Variants in CRADD observed in about 807,000 individuals in gnomAD.
CRADD encodes the protein death domain-containing protein CRADD.
A neutral mutation model predicts 15.5 loss-of-function variants in CRADD; 9 were observed. The observed-to-expected ratio is 0.58, with a 90% CI of 0.35 to 1.01. The LOEUF (loss-of-function observed/expected upper bound fraction) is 1.01. CRADD is among the 50% of genes least tolerant of loss of function. The pLI is 0.02. For missense variants in CRADD, 227 were observed against 250.3 expected (o/e 0.91, Z 0.63); for synonymous variants, 118 against 107.6 (o/e 1.10, Z -0.60).
intron 2 of CRADD, among the ~76,000 whole-genome samples, chr12:93,759,753 GA>G (rs957163553): frequency 1.9e-4 from 29 of 151,542 alleles, no homozygotes; most frequent in African/African-American, 6.8e-4. Context: ...TCTGATTCCA[GA>G]AAAAAAAGCA....
At chr12:93,810,235 A>G (rs1957606802) in intron 2 of CRADD, among the ~76,000 whole-genome samples, 1 of 152,132 alleles carries the variant, frequency 6.6e-6, no homozygotes, top group East Asian at 1.9e-4. Flanking sequence ...AGGAAGAGAA[A>G]GAACCGATGT....
Position 93,850,119 on chromosome 12 carries a change from G to T in CRADD, c.448G>T (p.Ala150Ser). 1.2e-6 allele frequency: 2 copies of T among 1,614,150 alleles called. No individual in the cohort carries two copies. Among genetic ancestry groups the T allele is most frequent in the Non-Finnish European group, 1.7e-6 (2 of 1,180,004 alleles). Residue 150 changes from alanine (A) to serine (S), a missense_variant, in exon 3 of 3, where the codon GCC (alanine) becomes TCC (serine). Transcript: ENST00000332896. This position sits in a 1 kb window ranked among gnomAD's most constrained non-coding sequence, Gnocchi z 4.0. Reference protein sequence around the residue: ...LSQTDIYRCKANHPHNVQSQV... With the variant: ...LSQTDIYRCKSNHPHNVQSQV... ...CCAGACGGATATCTACCGCTGTAAG[G>T]CCAACCACCCCCACAACGTGCAGTC...
At chr12:93,782,503 A>G (rs1337243172) in intron 2 of CRADD, among the ~76,000 whole-genome samples, 1 of 151,972 alleles carries the variant, frequency 6.6e-6, no homozygotes, top group African/African-American at 2.4e-5. Context: ...TAAAAAAAAC[A>G]AAAAGACTTA....
downstream of CRADD, among the ~76,000 whole-genome samples, chr12:93,850,969 C>G (rs1056386630): frequency 2.6e-5 from 4 of 152,142 alleles, no homozygotes; most frequent in African/African-American, 9.7e-5. This position sits in a 1 kb window ranked among gnomAD's most constrained non-coding sequence, Gnocchi z 4.0. Context: ...GTTCAAGGAC[C>G]AGCATGCATA....
In CRADD at chr12:93,850,118, G is replaced by C. The variant is rs1008127829; in HGVS notation, c.447G>C (p.Lys149Asn). 6.2e-6 allele frequency: 10 copies of C among 1,614,068 alleles called. No homozygotes were observed. Among genetic ancestry groups the C allele is most frequent in the Non-Finnish European group, 8.5e-6 (10 of 1,180,020 alleles). Residue 149 changes from lysine (K) to asparagine (N), a missense_variant, in exon 3 of 3, where the codon AAG (lysine) becomes AAC (asparagine). Lys to Asn is a moderately conservative substitution (Grantham distance 94). Coordinates refer to ENST00000332896, the MANE Select transcript of CRADD (RefSeq NM_003805.5). This position sits in a 1 kb window ranked among gnomAD's most constrained non-coding sequence, Gnocchi z 4.0. The stretch of plus-strand genomic sequence containing the variant: ...CCCAGACGGATATCTACCGCTGTAA[G>C]GCCAACCACCCCCACAACGTGCAGT... ...GLSQTDIYRC[K>N]ANHPHNVQSQ...
chr12:93,722,901 A>G (rs555378398), intron 2 of CRADD, among the ~76,000 whole-genome samples: 1 of 152,256 alleles, frequency 6.6e-6, no homozygotes, highest in South Asian at 2.1e-4. Context: ...CTGGGCATGA[A>G]TATGGGGTAA....
intron 2 of CRADD, among the ~76,000 whole-genome samples, chr12:93,843,723 A>G (rs557627783): frequency 4.0e-5 from 6 of 148,688 alleles, no homozygotes; most frequent in African/African-American, 1.5e-4. Context: ...TTATGTATTT[A>G]TTTATTTATT....
intron 2 of CRADD, among the ~76,000 whole-genome samples, chr12:93,839,978 C>A (rs1266758806): frequency 1.3e-5 from 2 of 152,212 alleles, no homozygotes; most frequent in East Asian, 3.8e-4. Context: ...ATACTCCTGC[C>A]TTATTTTCCA....
intron 2 of CRADD, among the ~76,000 whole-genome samples, chr12:93,881,442 G>A (rs114120395): frequency 2.8e-5 from 4 of 144,848 alleles, no homozygotes; most frequent in Admixed American, 6.9e-5. Flanking sequence ...AAAAGTGTGG[G>A]GGGGGGGTGG....
At chr12:93,889,597 A>G (rs1168668127) in intron 2 of CRADD, among the ~76,000 whole-genome samples, 1 of 152,122 alleles carries the variant, frequency 6.6e-6, no homozygotes, top group Non-Finnish European at 1.5e-5. Context: ...TCTCAGAGGA[A>G]GGGCCGTGGC....
At chr12:93,874,640 ATT>A (rs1958446361) in intron 2 of CRADD, among the ~76,000 whole-genome samples, 1 of 151,842 alleles carries the variant, frequency 6.6e-6, no homozygotes, top group Non-Finnish European at 1.5e-5. Flanking sequence ...CTTTCAAGAA[ATT>A]TTTTTAACTT....
intron 2 of CRADD, among the ~76,000 whole-genome samples, chr12:93,722,616 T>A (rs1956283994): frequency 6.6e-6 from 1 of 152,194 alleles, no homozygotes; most frequent in African/African-American, 2.4e-5. Flanking sequence ...TCCAGTCTAC[T>A]AATAAGCCTA....
At chr12:93,823,914 CAG>C (rs1271302989) in intron 2 of CRADD, among the ~76,000 whole-genome samples, 1 of 152,182 alleles carries the variant, frequency 6.6e-6, no homozygotes, top group Non-Finnish European at 1.5e-5. Flanking sequence ...TGTCAAATAT[CAG>C]AGAGTCTACA....
intron 2 of CRADD, among the ~76,000 whole-genome samples, chr12:93,862,069 G>A (rs11107222): frequency 0.052 from 7,880 of 152,190 alleles, 242 homozygotes; most frequent in Admixed American, 0.1. Flanking sequence ...GAGAACCTTT[G>A]TTTCTCCTTT....
At chr12:93,711,756 CT>C (rs34557631) in intron 2 of CRADD, among the ~76,000 whole-genome samples, 126,039 of 142,046 alleles carry the variant, frequency 0.89, 56,575 homozygotes, top group Middle Eastern at 0.97. Context: ...CTCCTAGACT[CT>C]TTTTTTTTTT....
intron 2 of CRADD, among the ~76,000 whole-genome samples, chr12:93,743,114 T>A (rs537424938): frequency 3.9e-5 from 6 of 152,338 alleles, no homozygotes; most frequent in African/African-American, 1.2e-4. Flanking sequence ...TTTAATGAAT[T>A]AATGTGGCGT....
chr12:93,817,318 T>C (rs1470502631), intron 2 of CRADD, among the ~76,000 whole-genome samples: 1 of 152,218 alleles, frequency 6.6e-6, no homozygotes, highest in Non-Finnish European at 1.5e-5. Flanking sequence ...GCTGTGTGTG[T>C]GCTTGTGTTG....
chr12:93,842,021 A>G (rs926861343), intron 2 of CRADD, among the ~76,000 whole-genome samples: 1 of 152,170 alleles, frequency 6.6e-6, no homozygotes, highest in Non-Finnish European at 1.5e-5. Context: ...TGCTTACAAC[A>G]TCTCCTCTCA....
chr12:93,715,126 A>G (rs966108273), intron 2 of CRADD, among the ~76,000 whole-genome samples: 2 of 152,152 alleles, frequency 1.3e-5, no homozygotes, highest in Non-Finnish European at 2.9e-5. Flanking sequence ...GCCTTGGATG[A>G]GTTTTATTAA....
Sources: allele counts gnomAD v4.1 joint callset (sites outside exome capture counted in the v4.1 genomes callset), GRCh38; gene constraint gnomAD v4.1.1; non-coding constraint Gnocchi (gnomAD v3.1); transcripts MANE v1.5; gene names NCBI Gene and HGNC (gene_info 2026-07-23, HGNC 2026-07-21).